MYO3A: variants seen among roughly 807,000 people sequenced by gnomAD.
The protein encoded by MYO3A is myosin-IIIa.
A neutral mutation model predicts 192.7 loss-of-function variants in MYO3A; 180 were observed. That is an observed-to-expected ratio of 0.93 (90% CI 0.83 to 1.06). The LOEUF (loss-of-function observed/expected upper bound fraction) is 1.06, where lower values mean the gene tolerates loss of function less well. Ranked by LOEUF, MYO3A falls within the 50% of genes least tolerant of loss-of-function variation. MYO3A has a pLI of 0.00. For missense variants in MYO3A, 1,896 were observed against 1,905.0 expected, an observed-to-expected ratio of 1.00 and a Z score of 0.09; for synonymous variants, 628 against 645.3, an observed-to-expected ratio of 0.97 and a Z score of 0.41.
intron 4 of MYO3A, among the ~76,000 whole-genome samples, chr10:25,995,611 G>A (rs1840377605): frequency 6.6e-6 from 1 of 152,154 alleles, no homozygotes; most frequent in South Asian, 2.1e-4. Context: ...TTTCTGTTCT[G>A]GTTTTTCCCC....
rs546503969 is a variant in MYO3A at position 26,203,547 on chromosome 10, G to T, written c.4730+440G>T. ...CAGACCCAAAAACATTTGAGAGAAA[G>T]ATTCATAGAAAAATGCATATTTTGG... On this transcript the variant is annotated intron_variant, in intron 34 of 34. Transcript: ENST00000642920. Among the ~76,000 whole-genome samples, 5 of 152,252 alleles carry T rather than the reference G, an allele frequency of 3.3e-5. No individual in the cohort carries two copies. In the East Asian group the frequency reaches 7.7e-4, roughly 23 times the overall value.
At chr10:25,978,886 A>G (rs193046521) in intron 4 of MYO3A, among the ~76,000 whole-genome samples, 79 of 152,226 alleles carry the variant, frequency 5.2e-4, no homozygotes, top group African/African-American at 1.8e-3. Flanking sequence ...ATATGGTACT[A>G]TTGTTGCTAG....
At chr10:26,066,646 A>T (rs1343361379) in intron 10 of MYO3A, among the ~76,000 whole-genome samples, 1 of 152,230 alleles carries the variant, frequency 6.6e-6, no homozygotes, top group Non-Finnish European at 1.5e-5. Context: ...GAATGTAATG[A>T]ATTCAAACCC....
chr10:26,097,961 T>A (rs1262589869), intron 17 of MYO3A, among the ~76,000 whole-genome samples: 1 of 152,214 alleles, frequency 6.6e-6, no homozygotes, highest in Non-Finnish European at 1.5e-5. Context: ...CAAATGGTAT[T>A]TCTAGTTCTA....
rs117438570 is a variant in MYO3A, at chr10:26,176,917, C to G, written c.4438+72C>G. On this transcript the variant is annotated intron_variant, in intron 31 of 34. Transcript: ENST00000642920. ...AGATACTTTGTTTATTAGTTTCCCA[C>G]CATTATTCTATGGCAGATTTGAGGA... The G allele has an allele frequency of 2.7e-3, 4,090 of 1,541,288 alleles. 11 individuals carry two copies. Among genetic ancestry groups the G allele is most frequent in the Non-Finnish European group, 3.5e-3 (3,891 of 1,115,154 alleles).
intron 10 of MYO3A, among the ~76,000 whole-genome samples, chr10:26,062,530 A>AAAAAAAAAAAAAAAAAAGAAAATAACG (rs1554816581): frequency 7.9e-6 from 1 of 125,946 alleles, no homozygotes; most frequent in African/African-American, 2.9e-5. Flanking sequence ...AAAAAAAAAA[A>AAAAAAAAAAAAAAAAAAGAAAATAACG]AAATTATGGA....
rs750600802 is a variant in MYO3A, at chr10:26,143,445, T to G, written c.2263-3T>G. ...GTTTTAAGTGGTTTTGTCTTTATTA[T>G]AGAATGAATACCTAAATGAAGATGT... is the stretch of plus-strand genomic sequence containing the variant. On this transcript the variant is annotated splice_region_variant and splice_polypyrimidine_tract_variant and intron_variant, in intron 20 of 34. Transcript: ENST00000642920. 5.0e-6 allele frequency: 8 copies of G among 1,608,780 alleles called. No homozygotes were observed. The highest frequency in any genetic ancestry group is 6.0e-6 in the Non-Finnish European group (7 of 1,175,310).
intron 4 of MYO3A, among the ~76,000 whole-genome samples, chr10:25,986,607 C>A (rs989951183): frequency 6.6e-6 from 1 of 151,972 alleles, no homozygotes; most frequent in African/African-American, 2.4e-5. Flanking sequence ...TCTTTCACAA[C>A]AGCTGCAAAA....
rs910718903 is a variant in MYO3A, at chr10:26,021,734, C to T, written c.731+86C>T. On this transcript the variant is annotated intron_variant, in intron 8 of 34. Transcript: ENST00000642920. Reference sequence around the variant, plus strand: ...GTGTTCATCATGCTCTTCATGGAGACGTTCAGATATATTCCAACAAGTTGG... The same window carrying T: ...GTGTTCATCATGCTCTTCATGGAGATGTTCAGATATATTCCAACAAGTTGG... 193 of 1,535,088 alleles carry T rather than the reference C, an allele frequency of 1.3e-4. 2 individuals carry two copies. The highest frequency in any genetic ancestry group is 6.4e-4 in the Admixed American group (38 of 59,770).
chr10:26,118,872 T>G (rs1008197683), intron 17 of MYO3A, among the ~76,000 whole-genome samples: 3 of 152,118 alleles, frequency 2.0e-5, no homozygotes, highest in African/African-American at 4.8e-5. Flanking sequence ...CCTCAAGTGA[T>G]CTGCCCGCCT....
chr10:25,980,232 G>A (rs12243707), intron 4 of MYO3A, among the ~76,000 whole-genome samples: 3,709 of 141,576 alleles, frequency 0.026, 182 homozygotes, highest in African/African-American at 0.091. Context: ...GCGAGACTCC[G>A]TCTCAAAAAA....
intron 21 of MYO3A, among the ~76,000 whole-genome samples, chr10:26,144,457 G>A (rs2131851277): frequency 6.6e-6 from 1 of 151,528 alleles, no homozygotes; most frequent in Non-Finnish European, 1.5e-5. Flanking sequence ...GACAATACTA[G>A]ATGGAAAATA....
chr10:26,037,545 C>T (rs1410916159), intron 10 of MYO3A, among the ~76,000 whole-genome samples: 1 of 152,152 alleles, frequency 6.6e-6, no homozygotes, highest in Non-Finnish European at 1.5e-5. Flanking sequence ...AGTTTCATTC[C>T]TTTGCATATG....
intron 9 of MYO3A, among the ~76,000 whole-genome samples, 173 bp downstream of exon 9, chr10:26,024,260 T>C (rs931741866): frequency 1.3e-5 from 2 of 152,220 alleles, no homozygotes; most frequent in African/African-American, 2.4e-5. Flanking sequence ...GCTCAGATAA[T>C]GGCCTTAGGG....
At position 26,212,118 on chromosome 10, in the gene MYO3A, G is replaced by A. The variant is rs997188105; in HGVS notation, c.*155G>A. ...TGCTGCGCTCGGCCCTCAAGTGCCC[G>A]GGCCGGCCTTCGTGCTCCGAAACAA... On this transcript the variant is annotated 3_prime_UTR_variant, in exon 35 of 35. Coordinates refer to ENST00000642920, the MANE Select transcript of MYO3A (RefSeq NM_017433.5). The A allele has an allele frequency of 8.6e-6, 10 of 1,169,556 alleles. No individual in the cohort carries two copies. Among genetic ancestry groups the A allele is most frequent in the African/African-American group, 7.8e-5 (5 of 64,176 alleles). 72.4% of individuals were successfully genotyped at this position (1,169,556 alleles called of 1,614,324 possible).
intron 32 of MYO3A, among the ~76,000 whole-genome samples, chr10:26,200,118 T>C (rs1390804891): frequency 6.6e-6 from 1 of 152,228 alleles, no homozygotes; most frequent in African/African-American, 2.4e-5. Context: ...CCTTACATTA[T>C]TTCCTGAATG....
chr10:26,058,236 ATATGT>A (rs1232708187), intron 10 of MYO3A, among the ~76,000 whole-genome samples: 1 of 152,124 alleles, frequency 6.6e-6, no homozygotes, highest in Non-Finnish European at 1.5e-5. Flanking sequence ...TTGGACTCAT[ATATGT>A]AGTTTTTTCA....
chr10:26,125,496 G>A lies in MYO3A; in HGVS notation c.2002G>A (p.Val668Ile), dbSNP rs1839165538. The A allele has an allele frequency of 2.4e-5, 38 of 1,614,048 alleles. No homozygotes were observed. The highest frequency in any genetic ancestry group is 3.2e-5 in the Non-Finnish European group (38 of 1,179,942). ...RGETIIRPNT[V>I]EKATDVRDAM... Reference sequence around the variant, plus strand: ...AGAAACAATTATACGACCCAATACTGTAGAAAAAGCTACCGATGTCAGGGA... The same window carrying A: ...AGAAACAATTATACGACCCAATACTATAGAAAAAGCTACCGATGTCAGGGA... The change falls in exon 19 of 35, where the codon GTA (valine) becomes ATA (isoleucine). Residue 668 changes from valine to isoleucine, a missense_variant. Transcript: ENST00000642920.
chr10:26,210,643 C>T (rs927085192), intron 34 of MYO3A, among the ~76,000 whole-genome samples: 10 of 152,230 alleles, frequency 6.6e-5, no homozygotes, highest in African/African-American at 2.2e-4. Context: ...CAATGTTTCT[C>T]TCACTGTGAG....
Sources: gnomAD v4.1 joint callset for allele counts (sites outside exome capture counted in the v4.1 genomes callset) on GRCh38, gnomAD v4.1.1 for gene constraint, MANE v1.5 for transcripts, NCBI Gene and HGNC (gene_info 2026-07-23, HGNC 2026-07-21) for gene names.